HACE1: variants seen among roughly 807,000 people sequenced by gnomAD.
HACE1 encodes E3 ubiquitin-protein ligase HACE1.
A neutral mutation model predicts 118.4 loss-of-function variants in HACE1; 73 were observed. The ratio of observed to expected loss-of-function variants is 0.62; its 90% CI spans 0.51 to 0.75. The LOEUF (loss-of-function observed/expected upper bound fraction) is 0.75. HACE1 is among the 30% of genes least tolerant of loss of function. The pLI is 0.00. For missense variants in HACE1, 749 were observed against 1,102.2 expected, an observed-to-expected ratio of 0.68 and a Z score of 4.54; for synonymous variants, 368 against 374.8, an observed-to-expected ratio of 0.98 and a Z score of 0.21.
At position 104,768,576 on chromosome 6, in the gene HACE1, C is replaced by G. The variant is rs539179641; in HGVS notation, c.2211+2617G>C. Reference sequence around the variant, plus strand: ...GTTGAAACCTCAACAATTTGATACACAATTACTATACTGGTAACATTAGAA... The same window carrying G: ...GTTGAAACCTCAACAATTTGATACAGAATTACTATACTGGTAACATTAGAA... On this transcript the variant is annotated intron_variant, in intron 19 of 23. Transcript: ENST00000262903. Among the ~76,000 whole-genome samples, 78 of 151,780 alleles carry G rather than the reference C, an allele frequency of 5.1e-4. 3 individuals are homozygous for G. Among genetic ancestry groups the G allele is most frequent in the Admixed American group, 4.3e-3 (65 of 15,256 alleles).
chr6:104,752,339 A>G (rs982423909), intron 19 of HACE1, among the ~76,000 whole-genome samples: 3 of 152,222 alleles, frequency 2.0e-5, no homozygotes, highest in Admixed American at 6.5e-5. Context: ...AATAACATAT[A>G]TAAAATATTT....
chr6:104,831,968 GAGAAGAGAAGAGAGGAAGGA>G (rs1773971374), intron 6 of HACE1, among the ~76,000 whole-genome samples: 1 of 78,376 alleles, frequency 1.3e-5, no homozygotes, highest in Admixed American at 1.2e-4. Flanking sequence ...GAGAAGAGAA[GAGAAGAGAAGAGAGGAAGGA>G]AGGAAGGAAG....
intron 14 of HACE1, chr6:104,782,533 A>T (rs1429061962): frequency 1.3e-5 from 2 of 152,176 alleles, no homozygotes; most frequent in Non-Finnish European, 1.5e-5. Flanking sequence ...TGAGAACCAG[A>T]CAGACTTTTA....
intron 7 of HACE1, among the ~76,000 whole-genome samples, chr6:104,806,044 T>C: frequency 6.6e-6 from 1 of 152,186 alleles, no homozygotes; most frequent in East Asian, 1.9e-4. Context: ...CTGTACCATA[T>C]ATAACAAAAA....
intron 4 of HACE1, among the ~76,000 whole-genome samples, chr6:104,844,182 C>T (rs914844583): frequency 1.5e-4 from 22 of 150,544 alleles, no homozygotes; most frequent in African/African-American, 4.7e-4. Context: ...GGATTTCAGG[C>T]GCATGCCACC....
At chr6:104,761,471 G>A (rs1055869081) in intron 19 of HACE1, among the ~76,000 whole-genome samples, 1 of 152,136 alleles carries the variant, frequency 6.6e-6, no homozygotes, top group Non-Finnish European at 1.5e-5. Context: ...TAAATAAATG[G>A]TTTTGGGAAA....
At chr6:104,736,799 A>G (rs1387806408) in intron 22 of HACE1, among the ~76,000 whole-genome samples, 1 of 152,204 alleles carries the variant, frequency 6.6e-6, no homozygotes, top group African/African-American at 2.4e-5. Flanking sequence ...AATTAGATTT[A>G]TAGTGTGAGT....
At chr6:104,803,370 C>G (rs1051367645) in intron 7 of HACE1, among the ~76,000 whole-genome samples, 1 of 152,150 alleles carries the variant, frequency 6.6e-6, no homozygotes, top group Non-Finnish European at 1.5e-5. Context: ...TTTATGAGGA[C>G]AGCATCATCC....
At chr6:104,795,457 G>C (rs943340484) in intron 10 of HACE1, 122 bp downstream of exon 10, 1 of 723,032 alleles carries the variant, frequency 1.4e-6, no homozygotes, top group Non-Finnish European at 2.5e-6. Context: ...CAAACCAGAA[G>C]TCAGCAAATT....
chr6:104,859,035 A>C (rs950734305), intron 1 of HACE1, among the ~76,000 whole-genome samples: 1 of 152,190 alleles, frequency 6.6e-6, no homozygotes, highest in African/African-American at 2.4e-5. Flanking sequence ...TATTGTGTTT[A>C]CCCATACAGT....
At chr6:104,806,000 T>C (rs1770956539) in intron 7 of HACE1, among the ~76,000 whole-genome samples, 1 of 152,148 alleles carries the variant, frequency 6.6e-6, no homozygotes, top group Admixed American at 6.5e-5. Context: ...CAATGTTCAA[T>C]ACACAAGGTA....
chr6:104,844,049 T>C (rs36136549), intron 4 of HACE1, among the ~76,000 whole-genome samples: 17,292 of 150,398 alleles, frequency 0.11, 1,106 homozygotes, highest in Middle Eastern at 0.2. Context: ...TTTTTTTTTT[T>C]CTGTGATGGA....
At chr6:104,811,242 TTATACATATATATATATATA>T (rs1771572646) in intron 7 of HACE1, 49 bp downstream of exon 7, 2 of 192,786 alleles carry the variant, frequency 1.0e-5, no homozygotes, top group Non-Finnish European at 1.9e-5. Context: ...ATTTCTTTAT[TTATACATATATATATATATA>T]TATATATATA....
At chr6:104,826,631 A>G (rs964432157) in intron 6 of HACE1, among the ~76,000 whole-genome samples, 6 of 152,338 alleles carry the variant, frequency 3.9e-5, no homozygotes, top group South Asian at 2.1e-4. Context: ...GTGGCTTACA[A>G]TTTACTAAAT....
chr6:104,838,890 TAAAAAAA>T (rs71003448), intron 5 of HACE1, among the ~76,000 whole-genome samples: 1 of 58,834 alleles, frequency 1.7e-5, no homozygotes, highest in East Asian at 9.1e-4. Flanking sequence ...AACTCCATAG[TAAAAAAA>T]AAAAAAAAAA....
intron 7 of HACE1, among the ~76,000 whole-genome samples, chr6:104,810,651 GTTTA>G (rs549144938): frequency 9.7e-4 from 147 of 152,062 alleles, no homozygotes; most frequent in African/African-American, 3.3e-3. Flanking sequence ...AGGGAATAGA[GTTTA>G]TTTATTACTG....
At chr6:104,771,821 A>C in intron 18 of HACE1, 104 bp downstream of exon 18, 1 of 847,840 alleles carries the variant, frequency 1.2e-6, no homozygotes, top group South Asian at 1.6e-5. Context: ...TCCAATCAAA[A>C]TAAAAATTAT....
At chr6:104,742,638 C>T (rs567742407) in intron 22 of HACE1, among the ~76,000 whole-genome samples, 3,489 of 150,698 alleles carry the variant, frequency 0.023, 165 homozygotes, top group African/African-American at 0.082. Context: ...GTTAGAATGG[C>T]GATCATTAAA....
chr6:104,780,240 C>A, intron 14 of HACE1: 1 of 246,654 alleles, frequency 4.1e-6, no homozygotes, highest in Non-Finnish European at 8.2e-6. Flanking sequence ...TCAAGTGGAA[C>A]ATTAAAAGGT....
Sources: allele counts gnomAD v4.1 joint callset (sites outside exome capture counted in the v4.1 genomes callset), GRCh38; gene constraint gnomAD v4.1.1; transcripts MANE v1.5; gene names NCBI Gene and HGNC (gene_info 2026-07-23, HGNC 2026-07-21).